The following KLF7 variants were observed in gnomAD, a reference collection of about 807,000 sequenced individuals.
KLF7 encodes KLF transcription factor 7.
A neutral mutation model predicts 27.3 loss-of-function variants in KLF7; 2 were observed. The observed-to-expected ratio is 0.07, with a 90% confidence interval of 0.03 to 0.23. KLF7 has a LOEUF of 0.23. Ranked by LOEUF, KLF7 falls within the 10% of genes least tolerant of loss-of-function variation. The pLI is 1.00. For missense variants in KLF7, 221 were observed against 394.1 expected, an observed-to-expected ratio of 0.56 and a Z score of 3.72; for synonymous variants, 165 against 162.4, an observed-to-expected ratio of 1.02 and a Z score of -0.12.
At chr2:207,158,550 C>T (rs1457480096) in intron 1 of KLF7, among the ~76,000 whole-genome samples, 1 of 152,140 alleles carries the variant, frequency 6.6e-6, no homozygotes, top group Non-Finnish European at 1.5e-5. Context: ...CATCCAACCC[C>T]CTACCACATA....
Position 207,081,117 on chromosome 2 carries a change from G to C in KLF7, c.*96C>G. The C allele has an allele frequency of 9.9e-7, 1 of 1,014,554 alleles. No individual in the cohort carries two copies. The highest frequency in any genetic ancestry group is 1.6e-6 in the Non-Finnish European group (1 of 638,068). 62.8% of individuals were successfully genotyped at this position (1,014,554 alleles called of 1,614,324 possible). A position where few individuals can be genotyped will look rare whatever the true frequency, so the allele number is the denominator to read the frequency against. On this transcript the variant is annotated 3_prime_UTR_variant, in exon 4 of 4. Transcript: ENST00000309446. ...TTTATAAGTGAGAACTTTCTTCTGC[G>C]AGGCAATGGGTCCCCGCCTGAAGTC...
At chr2:207,084,672 T>C (rs2076346889) in intron 3 of KLF7, among the ~76,000 whole-genome samples, 1 of 152,162 alleles carries the variant, frequency 6.6e-6, no homozygotes, top group Non-Finnish European at 1.5e-5. Context: ...GAATTCCACA[T>C]AGGAATAGTA....
At chr2:207,085,672 GCTAT>G (rs1363756793) in intron 3 of KLF7, among the ~76,000 whole-genome samples, 2 of 152,162 alleles carry the variant, frequency 1.3e-5, no homozygotes, top group African/African-American at 2.4e-5. Flanking sequence ...GCACTCTTGG[GCTAT>G]CTGTTTCCAC....
At chr2:207,116,243 T>G (rs1340853026) in intron 2 of KLF7, among the ~76,000 whole-genome samples, 1 of 152,210 alleles carries the variant, frequency 6.6e-6, no homozygotes, top group African/African-American at 2.4e-5. Context: ...TTATATGAAG[T>G]TTGTTTCCTG....
At chr2:207,151,856 AT>A (rs2078257020) in intron 1 of KLF7, among the ~76,000 whole-genome samples, 1 of 152,124 alleles carries the variant, frequency 6.6e-6, no homozygotes, top group Non-Finnish European at 1.5e-5. Flanking sequence ...GCAGCAAGTA[AT>A]TTTTTTAAAT....
chr2:207,122,614 T>C (rs1358156341), intron 2 of KLF7, among the ~76,000 whole-genome samples: 6 of 152,246 alleles, frequency 3.9e-5, no homozygotes, highest in African/African-American at 1.2e-4. Context: ...AGCTGGATAG[T>C]GGCAGAGTTA....
chr2:207,101,089 C>T (rs937797598), intron 2 of KLF7, among the ~76,000 whole-genome samples: 4 of 152,158 alleles, frequency 2.6e-5, no homozygotes, highest in Admixed American at 6.5e-5. Context: ...GCATTATCTC[C>T]GAAACACTTC....
At chr2:207,082,018 A>C (rs2076284592) in intron 3 of KLF7, among the ~76,000 whole-genome samples, 1 of 150,074 alleles carries the variant, frequency 6.7e-6, no homozygotes, top group African/African-American at 2.5e-5. Context: ...GGCAGAAAGG[A>C]GGGGGGTGAA....
At chr2:207,148,195 G>C (rs554650117) in intron 1 of KLF7, among the ~76,000 whole-genome samples, 1 of 152,274 alleles carries the variant, frequency 6.6e-6, no homozygotes, top group Admixed American at 6.5e-5. Flanking sequence ...TCACATTCCT[G>C]ATCCCAGAAT....
At chr2:207,165,403 C>G in intron 1 of KLF7, 64 bp downstream of exon 1, 1 of 1,610,662 alleles carries the variant, frequency 6.2e-7, no homozygotes, top group South Asian at 1.1e-5. Context: ...AGAGCCCACA[C>G]CAACGCAGCC....
In KLF7 at chr2:207,130,610, G is replaced by A. The variant is rs73983188; in HGVS notation, c.103-6206C>T. 1.7e-3 allele frequency among the ~76,000 whole-genome samples: 266 copies of A among 152,294 alleles called. 3 individuals carry two copies. The highest frequency in any genetic ancestry group is 6.2e-3 in the African/African-American group (258 of 41,570). ...AATCGTCTCACAACTCCCATCCATTGCAACCACTATAACTACAACCATGTT... is the reference window on the plus strand; with the variant it reads ...AATCGTCTCACAACTCCCATCCATTACAACCACTATAACTACAACCATGTT... On this transcript the variant is annotated intron_variant, in intron 1 of 3. Transcript: ENST00000309446.
At chr2:207,118,131 CT>C (rs1439294843) in intron 2 of KLF7, among the ~76,000 whole-genome samples, 1 of 152,168 alleles carries the variant, frequency 6.6e-6, no homozygotes, top group East Asian at 1.9e-4. Flanking sequence ...AACCAAGTTA[CT>C]TTTTTGTTGT....
At chr2:207,156,667 G>C (rs534653388) in intron 1 of KLF7, among the ~76,000 whole-genome samples, 1 of 152,234 alleles carries the variant, frequency 6.6e-6, no homozygotes, top group Non-Finnish European at 1.5e-5. Flanking sequence ...CACAGGAAAT[G>C]TGAGCCAAAC....
At chr2:207,088,979 T>A (rs1279636672) in intron 2 of KLF7, among the ~76,000 whole-genome samples, 5 of 152,152 alleles carry the variant, frequency 3.3e-5, no homozygotes, top group Non-Finnish European at 7.4e-5. Flanking sequence ...TGCTTCTAAT[T>A]CTATTTTTCT....
At chr2:207,090,437 G>C (rs2076485698) in intron 2 of KLF7, among the ~76,000 whole-genome samples, 1 of 152,134 alleles carries the variant, frequency 6.6e-6, no homozygotes, top group Non-Finnish European at 1.5e-5. Context: ...GTTAAACGAG[G>C]GTGAGCTTAT....
intron 1 of KLF7, among the ~76,000 whole-genome samples, chr2:207,148,681 G>A (rs912901866): frequency 6.6e-6 from 1 of 152,138 alleles, no homozygotes; most frequent in South Asian, 2.1e-4. Context: ...GACAGGTTCT[G>A]CAACTCTCTT....
At chr2:207,087,064 T>C (rs915938598) in intron 3 of KLF7, among the ~76,000 whole-genome samples, 1 of 152,234 alleles carries the variant, frequency 6.6e-6, no homozygotes, top group Non-Finnish European at 1.5e-5. Flanking sequence ...TCCTGGAGCA[T>C]ACTCTGTAGA....
intron 2 of KLF7, among the ~76,000 whole-genome samples, chr2:207,113,163 C>T (rs2077080486): frequency 6.6e-6 from 1 of 152,192 alleles, no homozygotes; most frequent in Non-Finnish European, 1.5e-5. Context: ...GTTAAAGATG[C>T]TGTCTTGTTA....
intron 1 of KLF7, among the ~76,000 whole-genome samples, chr2:207,126,514 T>C (rs766593641): frequency 1.1e-4 from 16 of 152,172 alleles, no homozygotes; most frequent in Non-Finnish European, 1.9e-4. Flanking sequence ...CTAATACATA[T>C]CTCTGGGAAT....
Sources: gnomAD v4.1 joint callset for allele counts (sites outside exome capture counted in the v4.1 genomes callset) on GRCh38, gnomAD v4.1.1 for gene constraint, MANE v1.5 for transcripts, NCBI Gene and HGNC (gene_info 2026-07-23, HGNC 2026-07-21) for gene names.